The following CLASP1 variants were observed in gnomAD, a reference collection of about 807,000 sequenced individuals.
The protein encoded by CLASP1 is cytoplasmic linker associated protein 1, also known as CLIP-associating protein 1.
CLASP1 carries 38 observed loss-of-function variants against 192.3 expected under a neutral mutation model. That is an observed-to-expected ratio of 0.20 (90% CI 0.15 to 0.26). The LOEUF is 0.26. CLASP1 is among the 10% of genes least tolerant of loss of function. The pLI is 1.00. For missense variants in CLASP1, 1,433 were observed against 1,932.5 expected, an observed-to-expected ratio of 0.74 and a Z score of 4.85; for synonymous variants, 691 against 712.8, an observed-to-expected ratio of 0.97 and a Z score of 0.49.
rs1232713173 is a variant in CLASP1 at position 121,425,342 on chromosome 2, G to A, written c.2045-36C>T. On this transcript the variant is annotated intron_variant, in intron 21 of 39. Transcript: ENST00000263710. ...AGCAAAATGACAATGAATAATAGAT[G>A]TAAATGTAGGAATGAACTATAATAC... 4.4e-6 allele frequency: 7 copies of A among 1,585,774 alleles called. No individual in the cohort carries two copies. The South Asian group carries it at 4.5e-5, about 10-fold the overall frequency.
chr2:121,530,940 C>G (rs769426972), intron 2 of CLASP1: 7 of 700,290 alleles, frequency 1.0e-5, no homozygotes, highest in Admixed American at 4.0e-5. Context: ...GGCAGTACTG[C>G]TAACGCCTGA....
Position 121,645,451 on chromosome 2 carries a change from G to A in CLASP1, c.-286+3921C>T, listed in dbSNP as rs6718132. Reference sequence around the variant, plus strand: ...CATAAGGAAGGATGCTGGACTACTGGGCCTCTAACAACTCCTCCAAAGCTC... The same window carrying A: ...CATAAGGAAGGATGCTGGACTACTGAGCCTCTAACAACTCCTCCAAAGCTC... On this transcript the variant is annotated intron_variant, in intron 1 of 39. Transcript: ENST00000263710. Among the ~76,000 whole-genome samples the A allele has an allele frequency of 7.5e-3, 1,136 of 152,158 alleles. 13 individuals are homozygous for A. The highest frequency in any genetic ancestry group is 0.024 in the African/African-American group (995 of 41,500).
intron 24 of CLASP1, among the ~76,000 whole-genome samples, chr2:121,409,848 A>G (rs2077443860): frequency 6.6e-6 from 1 of 152,178 alleles, no homozygotes; most frequent in African/African-American, 2.4e-5. Flanking sequence ...GTCTTTCTAT[A>G]CATAAGGTTG....
At chr2:121,447,412 T>C in exon 19 of CLASP1, 1 of 1,574,072 alleles carries the variant, frequency 6.4e-7, no homozygotes, top group Non-Finnish European at 8.6e-7. Context: ...GAGGAGACTT[T>C]GGATTTGGCA....
At chr2:121,528,802 G>A (rs746019864) in intron 3 of CLASP1, 22 bp from the exon 4 acceptor site, 1 of 1,580,274 alleles carries the variant, frequency 6.3e-7, no homozygotes, top group Non-Finnish European at 8.7e-7. Context: ...AATGGAAACT[G>A]ATCAAATGAA....
rs1224197076 is a variant in CLASP1 at position 121,521,417 on chromosome 2, C to T, written c.546+4428G>A. Among the ~76,000 whole-genome samples, 4 of 152,124 alleles carry T rather than the reference C, an allele frequency of 2.6e-5. No homozygotes were observed. The East Asian group carries it at 7.7e-4, about 29-fold the overall frequency. ...GCCAGGCCAACCGTGCGTGTGGTAC[C>T]GGTGCTGTGCCTGTGCTGAGAGCTC... is the stretch of plus-strand genomic sequence containing the variant. On this transcript the variant is annotated intron_variant, in intron 6 of 39. Transcript: ENST00000263710.
At chr2:121,347,083 G>A (rs370336289) in exon 39 of CLASP1, 93 of 1,586,300 alleles carry the variant, frequency 5.9e-5, no homozygotes, top group Admixed American at 2.1e-4. Flanking sequence ...GGTCTTCTCC[G>A]ATTACGGAAT....
intron 37 of CLASP1, among the ~76,000 whole-genome samples, chr2:121,359,618 A>G (rs2149213305): frequency 6.6e-6 from 1 of 152,352 alleles, no homozygotes; most frequent in South Asian, 2.1e-4. Context: ...TATTTGCTAA[A>G]TGCCAACTCT....
intron 8 of CLASP1, among the ~76,000 whole-genome samples, chr2:121,501,817 T>A: frequency 6.6e-6 from 1 of 152,180 alleles, no homozygotes; most frequent in East Asian, 1.9e-4. Context: ...AATCTCAAGA[T>A]ATTCAAAATG....
At chr2:121,344,298 A>C (rs770834200) in intron 39 of CLASP1, among the ~76,000 whole-genome samples, 58 of 151,996 alleles carry the variant, frequency 3.8e-4, no homozygotes, top group Non-Finnish European at 6.0e-4. Context: ...TACAGAAGAT[A>C]TCTCTTCCTG....
At chr2:121,595,592 G>A (rs945437116) in intron 2 of CLASP1, among the ~76,000 whole-genome samples, 1 of 152,118 alleles carries the variant, frequency 6.6e-6, no homozygotes, top group Non-Finnish European at 1.5e-5. Context: ...CTAAAACAGG[G>A]GGCCTCAGTC....
chr2:121,447,395 C>A (rs199977966), exon 19 of CLASP1: 1 of 1,580,482 alleles, frequency 6.3e-7, no homozygotes, highest in African/African-American at 1.3e-5. Context: ...GCGTCGTGCC[C>A]GAAGATGAGG....
chr2:121,369,014 C>T (rs1339079381), intron 34 of CLASP1, among the ~76,000 whole-genome samples: 1 of 152,222 alleles, frequency 6.6e-6, no homozygotes, highest in Non-Finnish European at 1.5e-5. Flanking sequence ...CTTTATCTTA[C>T]TTTGTCTCTT....
chr2:121,527,527 G>A lies in CLASP1; in HGVS notation c.470+272C>T, dbSNP rs556173864. On this transcript the variant is annotated intron_variant, in intron 5 of 39. Coordinates refer to ENST00000263710, the Ensembl canonical transcript of CLASP1. ...CACAGCAGCATGAAGGAGCCCGGCAGTGACTGTGCAGTTGTATATACACAC... is the reference window on the plus strand; with the variant it reads ...CACAGCAGCATGAAGGAGCCCGGCAATGACTGTGCAGTTGTATATACACAC... Among the ~76,000 whole-genome samples the A allele has an allele frequency of 3.3e-5, 5 of 152,310 alleles. No homozygotes were observed. The East Asian group carries it at 9.7e-4, about 29-fold the overall frequency.
At chr2:121,370,615 A>G (rs1300675805) in intron 34 of CLASP1, among the ~76,000 whole-genome samples, 5 of 152,154 alleles carry the variant, frequency 3.3e-5, no homozygotes, top group Non-Finnish European at 7.4e-5. Flanking sequence ...ATGAGTCACC[A>G]TGCCTGGTCC....
At chr2:121,499,678 C>T (rs1205984518) in intron 8 of CLASP1, among the ~76,000 whole-genome samples, 4 of 152,068 alleles carry the variant, frequency 2.6e-5, no homozygotes, top group Admixed American at 1.3e-4. Flanking sequence ...ACACCTATTT[C>T]TGATAAAAAC....
At chr2:121,431,035 C>A (rs897081092) in intron 19 of CLASP1, among the ~76,000 whole-genome samples, 1 of 151,438 alleles carries the variant, frequency 6.6e-6, no homozygotes, top group Non-Finnish European at 1.5e-5. Flanking sequence ...CCTCTCCGGC[C>A]GTAACTCAAT....
At chr2:121,432,607 A>G (rs890324815) in intron 19 of CLASP1, among the ~76,000 whole-genome samples, 2 of 152,276 alleles carry the variant, frequency 1.3e-5, no homozygotes, top group African/African-American at 4.8e-5. Flanking sequence ...CTTCTCATTC[A>G]TTGTATCTTC....
intron 1 of CLASP1, among the ~76,000 whole-genome samples, chr2:121,624,342 T>C (rs2067913208): frequency 6.6e-6 from 1 of 152,208 alleles, no homozygotes; most frequent in Non-Finnish European, 1.5e-5. Context: ...TCTTTGTTTT[T>C]CGCATGAAGC....
Sources: allele counts gnomAD v4.1 joint callset (sites outside exome capture counted in the v4.1 genomes callset), GRCh38; gene constraint gnomAD v4.1.1; transcripts MANE v1.5; gene names NCBI Gene and HGNC (gene_info 2026-07-23, HGNC 2026-07-21).